The following CNTN5 variants were observed in gnomAD, a reference collection of about 807,000 sequenced individuals.
The protein encoded by CNTN5 is contactin-5.
Under a neutral mutation model 129.1 loss-of-function variants are expected in CNTN5, and 77 were observed. That is an observed-to-expected ratio of 0.60 (90% CI 0.50 to 0.72). CNTN5 has a LOEUF of 0.72. Ranked by LOEUF, CNTN5 falls within the 30% of genes least tolerant of loss-of-function variation. CNTN5 has a pLI of 0.00. For synonymous variants in CNTN5, 509 were observed against 465.6 expected (o/e 1.09, Z -1.20); for missense variants, 1,478 against 1,328.8 (o/e 1.11, Z -1.75).
At chr11:99,935,219 G>T (rs978243168) in intron 7 of CNTN5, among the ~76,000 whole-genome samples, 1 of 151,404 alleles carries the variant, frequency 6.6e-6, no homozygotes, top group Non-Finnish European at 1.5e-5. Context: ...GTCAACCAGG[G>T]TTCCAAAAGA....
At chr11:99,066,194 C>G (rs1865095867) in intron 1 of CNTN5, among the ~76,000 whole-genome samples, 1 of 152,160 alleles carries the variant, frequency 6.6e-6, no homozygotes, top group Non-Finnish European at 1.5e-5. Flanking sequence ...ACCTTCGCCT[C>G]CTGGGTTCAT....
chr11:99,174,043 G>A (rs1015442904), intron 1 of CNTN5, among the ~76,000 whole-genome samples: 22 of 152,114 alleles, frequency 1.4e-4, no homozygotes, highest in Admixed American at 2.6e-4. Context: ...TGTCACGCAG[G>A]CTGGAGTGCA....
intron 13 of CNTN5, among the ~76,000 whole-genome samples, chr11:100,094,765 A>AAAGGAAGGAAGG (rs57565481): frequency 0.07 from 7,937 of 113,780 alleles, 380 homozygotes; most frequent in Middle Eastern, 0.094. Context: ...GGGAGGGAGG[A>AAAGGAAGGAAGG]AAGGAAGGAA....
chr11:100,178,612 A>G (rs550160575), intron 13 of CNTN5, among the ~76,000 whole-genome samples: 2 of 152,338 alleles, frequency 1.3e-5, no homozygotes, highest in East Asian at 1.9e-4. Context: ...CATTAATGCT[A>G]TTCACCAGAC....
intron 3 of CNTN5, among the ~76,000 whole-genome samples, chr11:99,703,891 T>G (rs920511974): frequency 4.0e-5 from 6 of 150,994 alleles, no homozygotes; most frequent in African/African-American, 1.5e-4. Context: ...CTATATAAAA[T>G]GTATGATATA....
At chr11:99,389,611 C>T (rs142200309) in intron 2 of CNTN5, among the ~76,000 whole-genome samples, 1 of 152,278 alleles carries the variant, frequency 6.6e-6, no homozygotes, top group Non-Finnish European at 1.5e-5. Context: ...CCCACACAAA[C>T]ATGCACACAG....
intron 1 of CNTN5, among the ~76,000 whole-genome samples, chr11:99,108,955 A>G (rs1321126040): frequency 6.6e-6 from 1 of 151,918 alleles, no homozygotes; most frequent in Non-Finnish European, 1.5e-5. Context: ...TTTAACTTGG[A>G]ATATTTATTA....
intron 4 of CNTN5, among the ~76,000 whole-genome samples, chr11:99,843,437 C>A (rs1488462389): frequency 6.6e-6 from 1 of 152,066 alleles, no homozygotes; most frequent in Non-Finnish European, 1.5e-5. Flanking sequence ...AGGTGTACAT[C>A]TTTTCCCAGA....
At chr11:100,286,233 T>C (rs1326688377) in intron 18 of CNTN5, among the ~76,000 whole-genome samples, 10 of 152,294 alleles carry the variant, frequency 6.6e-5, no homozygotes, top group Non-Finnish European at 1.5e-4. Flanking sequence ...GCAGGGAAGC[T>C]CCAACTGGGT....
At chr11:100,259,010 A>G (rs944552940) in intron 17 of CNTN5, among the ~76,000 whole-genome samples, 4 of 152,166 alleles carry the variant, frequency 2.6e-5, no homozygotes, top group Non-Finnish European at 4.4e-5. Flanking sequence ...CAAATTGGAT[A>G]AAGAGTCAAG....
chr11:99,404,983 C>T (rs776672381), intron 2 of CNTN5, among the ~76,000 whole-genome samples: 50 of 152,164 alleles, frequency 3.3e-4, no homozygotes, highest in Non-Finnish European at 6.5e-4. Flanking sequence ...ATAATTTCAC[C>T]GAATATACTA....
At chr11:100,170,895 A>AAC (rs72459238) in intron 13 of CNTN5, among the ~76,000 whole-genome samples, 1,230 of 21,480 alleles carry the variant, frequency 0.057, 13 homozygotes, top group African/African-American at 0.36. Context: ...AAACAAAAAC[A>AAC]AAAAAAAAAC....
chr11:100,347,191 C>T (rs1158276325), intron 23 of CNTN5, among the ~76,000 whole-genome samples: 2 of 152,064 alleles, frequency 1.3e-5, no homozygotes, highest in Non-Finnish European at 2.9e-5. Context: ...ATTCCAGATT[C>T]CTGAGATATA....
At chr11:99,452,729 T>C (rs1236443859) in intron 2 of CNTN5, among the ~76,000 whole-genome samples, 3 of 152,136 alleles carry the variant, frequency 2.0e-5, no homozygotes, top group Admixed American at 1.3e-4. Context: ...TGGTAGATTA[T>C]TATAGTTCTA....
intron 1 of CNTN5, among the ~76,000 whole-genome samples, chr11:99,244,943 T>C (rs989041935): frequency 6.6e-6 from 1 of 152,174 alleles, no homozygotes; most frequent in Admixed American, 6.5e-5. Flanking sequence ...ATTCAGCAAA[T>C]ATTGATTGAA....
intron 2 of CNTN5, among the ~76,000 whole-genome samples, chr11:99,403,545 A>T (rs574044314): frequency 6.6e-6 from 1 of 151,988 alleles, no homozygotes; most frequent in Non-Finnish European, 1.5e-5. Context: ...AGGTTTTGTT[A>T]TGTTTGGTTT....
chr11:100,038,951 G>T (rs1388810442), intron 9 of CNTN5, among the ~76,000 whole-genome samples: 1 of 152,096 alleles, frequency 6.6e-6, no homozygotes, highest in Non-Finnish European at 1.5e-5. Flanking sequence ...TTTAATTGGA[G>T]CATTTAGCCC....
intron 3 of CNTN5, among the ~76,000 whole-genome samples, chr11:99,754,953 A>G (rs1054252794): frequency 1.3e-5 from 2 of 151,654 alleles, no homozygotes; most frequent in Non-Finnish European, 2.9e-5. Context: ...GCAATCATTG[A>G]TCATGTTATT....
At chr11:99,836,828 T>G (rs576634320) in intron 4 of CNTN5, among the ~76,000 whole-genome samples, 4 of 152,286 alleles carry the variant, frequency 2.6e-5, no homozygotes, top group Admixed American at 2.0e-4. Context: ...TTTTAATGAT[T>G]GCCATTCTAA....
Sources: gnomAD v4.1 joint callset for allele counts (sites outside exome capture counted in the v4.1 genomes callset) on GRCh38, gnomAD v4.1.1 for gene constraint, MANE v1.5 for transcripts, NCBI Gene and HGNC (gene_info 2026-07-23, HGNC 2026-07-21) for gene names.